The following DLGAP2 variants were observed in gnomAD, a reference collection of about 807,000 sequenced individuals.
DLGAP2 encodes the protein DLG associated protein 2.
Under a neutral mutation model 100.3 loss-of-function variants are expected in DLGAP2, and 26 were observed. The ratio of observed to expected loss-of-function variants is 0.26; its 90% CI spans 0.19 to 0.36. The LOEUF (loss-of-function observed/expected upper bound fraction) is 0.36, where lower values mean the gene tolerates loss of function less well. Ranked by LOEUF, DLGAP2 falls within the 10% of genes least tolerant of loss-of-function variation. The pLI, the probability that DLGAP2 is intolerant of heterozygous loss-of-function variation, is 1.00. For synonymous variants in DLGAP2, 886 were observed against 630.1 expected (o/e 1.41, Z -6.08); for missense variants, 1,858 against 1,453.2 (o/e 1.28, Z -4.53).
In DLGAP2 at chr8:945,844, G is replaced by T. The variant is rs143580646; in HGVS notation, c.73+37878G>T. Among the ~76,000 whole-genome samples the T allele has an allele frequency of 3.9e-5, 6 of 152,028 alleles. No individual in the cohort carries two copies. In the East Asian group the frequency reaches 9.7e-4, roughly 25 times the overall value. On this transcript the variant is annotated intron_variant, in intron 2 of 14. Coordinates refer to ENST00000637795, the MANE Select transcript of DLGAP2 (RefSeq NM_001346810.2). ...TCCATTTCCCCCTCTCTCTCTGCGT[G>T]TGTCTCTTTGCCTACATTAATGTTG...
intron 1 of DLGAP2, among the ~76,000 whole-genome samples, chr8:800,364 A>G (rs917019312): frequency 6.6e-6 from 1 of 152,242 alleles, no homozygotes; most frequent in South Asian, 2.1e-4. Context: ...TTGCCTGCAA[A>G]GGAGAATCAG....
At chr8:917,131 A>C (rs554143376) in intron 2 of DLGAP2, among the ~76,000 whole-genome samples, 1 of 152,226 alleles carries the variant, frequency 6.6e-6, no homozygotes, top group African/African-American at 2.4e-5. Context: ...AGGGCCGGGG[A>C]TAGTAAAGCG....
In DLGAP2 at chr8:1,600,025, A is replaced by G. The variant is rs576744241; in HGVS notation, c.1443-26715A>G. ...TGGCTGGTACCGGTTTTTGCTTTCC[A>G]TGTTTAGTGGTTCCTTCAGGAGCTC... On this transcript the variant is annotated intron_variant, in intron 6 of 14. Transcript: ENST00000637795. Among the ~76,000 whole-genome samples, 319 of 151,986 alleles carry G rather than the reference A, an allele frequency of 2.1e-3. 2 individuals carry two copies. Among genetic ancestry groups the G allele is most frequent in the African/African-American group, 6.9e-3 (286 of 41,456 alleles).
intron 2 of DLGAP2, among the ~76,000 whole-genome samples, chr8:1,211,978 G>C (rs1158271887): frequency 6.6e-6 from 1 of 152,240 alleles, no homozygotes; most frequent in African/African-American, 2.4e-5. Flanking sequence ...GGTCTGACTG[G>C]CGCTGTGGAA....
intron 7 of DLGAP2, 134 bp downstream of exon 7, chr8:1,627,021 G>A (rs2130770471): frequency 9.0e-7 from 1 of 1,108,574 alleles, no homozygotes; most frequent in Non-Finnish European, 1.3e-6. Context: ...CACCAAAGGG[G>A]GTTCCCCTGG....
chr8:997,430 A>G (rs376008440), intron 2 of DLGAP2, among the ~76,000 whole-genome samples: 1 of 152,214 alleles, frequency 6.6e-6, no homozygotes, highest in African/African-American at 2.4e-5. Context: ...CATTGAACCA[A>G]TATAGAAAAC....
chr8:747,435 C>G (rs575044610), intron 1 of DLGAP2, among the ~76,000 whole-genome samples: 5 of 151,632 alleles, frequency 3.3e-5, no homozygotes, highest in Admixed American at 1.3e-4. Context: ...GTTCCAGAAA[C>G]AAGCTCTGGC....
At chr8:1,443,025 C>T (rs1484062621) in intron 3 of DLGAP2, among the ~76,000 whole-genome samples, 2 of 152,218 alleles carry the variant, frequency 1.3e-5, no homozygotes, top group Non-Finnish European at 2.9e-5. Context: ...CTTTATCATT[C>T]TTTTAACATT....
At chr8:1,096,724 C>T in intron 2 of DLGAP2, among the ~76,000 whole-genome samples, 1 of 141,628 alleles carries the variant, frequency 7.1e-6, no homozygotes, top group East Asian at 2.2e-4. Flanking sequence ...TGAGACCCAG[C>T]TCCCTGCGCT....
intron 2 of DLGAP2, among the ~76,000 whole-genome samples, chr8:932,044 C>A (rs1317270973): frequency 6.6e-6 from 1 of 152,198 alleles, no homozygotes; most frequent in Non-Finnish European, 1.5e-5. Flanking sequence ...ATATTCCCTT[C>A]TAGGAAATAT....
intron 4 of DLGAP2, among the ~76,000 whole-genome samples, chr8:1,504,446 A>G (rs1458625346): frequency 1.3e-5 from 2 of 152,244 alleles, no homozygotes; most frequent in Middle Eastern, 3.4e-3. Context: ...GTTTTCAAGT[A>G]AACAAACCAT....
chr8:1,203,661 G>A (rs1007417035), intron 2 of DLGAP2, among the ~76,000 whole-genome samples: 40 of 152,262 alleles, frequency 2.6e-4, no homozygotes, highest in African/African-American at 8.7e-4. Flanking sequence ...AATGGATGAC[G>A]GTGCGAAGAA....
chr8:1,245,430 C>G (rs55855709), intron 2 of DLGAP2, among the ~76,000 whole-genome samples: 1 of 152,084 alleles, frequency 6.6e-6, no homozygotes, highest in Non-Finnish European at 1.5e-5. Flanking sequence ...AATGGAGCAC[C>G]GATGCATGCT....
intron 6 of DLGAP2, among the ~76,000 whole-genome samples, chr8:1,596,908 C>T (rs1276018355): frequency 1.3e-5 from 2 of 152,140 alleles, no homozygotes; most frequent in Non-Finnish European, 2.9e-5. Flanking sequence ...GTTGCCATTG[C>T]TCTTGGTGTT....
chr8:1,280,055 C>T (rs1233774917), intron 3 of DLGAP2, among the ~76,000 whole-genome samples: 7 of 152,204 alleles, frequency 4.6e-5, no homozygotes, highest in Non-Finnish European at 8.8e-5. Context: ...GACATGCACT[C>T]ACGTAAGGTC....
chr8:960,416 G>C (rs56270596), intron 2 of DLGAP2, among the ~76,000 whole-genome samples: 1 of 151,342 alleles, frequency 6.6e-6, no homozygotes, highest in African/African-American at 2.4e-5. Flanking sequence ...ATTTTTAGTA[G>C]AGACGGAGTT....
intron 10 of DLGAP2, among the ~76,000 whole-genome samples, chr8:1,670,147 C>T (rs1798654478): frequency 1.3e-5 from 2 of 152,250 alleles, no homozygotes; most frequent in African/African-American, 4.8e-5. Flanking sequence ...TCTCCTCAGC[C>T]ACCTCCCACA....
rs1563133680 is a variant in DLGAP2, at chr8:1,417,156, G to GGCGGGGGAGACCCCCGTTCATTTAGCGTC, written c.107-84210_107-84209insGCGGGGGAGACCCCCGTTCATTTAGCGTC. On this transcript the variant is annotated intron_variant, in intron 3 of 14. Coordinates refer to ENST00000637795, the MANE Select transcript of DLGAP2 (RefSeq NM_001346810.2). Reference sequence around the variant, plus strand: ...GCGTCTGAGGCGGGGGAGACTCTGAGTGAAGGGGAAGCCCCCGTTCATTTA... The same window carrying GGCGGGGGAGACCCCCGTTCATTTAGCGTC: ...GCGTCTGAGGCGGGGGAGACTCTGAGGCGGGGGAGACCCCCGTTCATTTAGCGTCTGAAGGGGAAGCCCCCGTTCATTTA... Among the ~76,000 whole-genome samples the GGCGGGGGAGACCCCCGTTCATTTAGCGTC allele has an allele frequency of 3.9e-4, 33 of 85,708 alleles. 2 individuals carry two copies. The highest frequency in any genetic ancestry group is 1.7e-3 in the East Asian group (4 of 2,400). The allele number at this position is 85,708 out of a possible 152,430, so 56.2% of individuals were successfully genotyped here.
chr8:1,634,469 C>A (rs1356867171), intron 8 of DLGAP2, among the ~76,000 whole-genome samples: 1 of 152,174 alleles, frequency 6.6e-6, no homozygotes, highest in Non-Finnish European at 1.5e-5. Context: ...TGTGGGCACC[C>A]TGCGTAGCCT....
Sources: allele counts gnomAD v4.1 joint callset (sites outside exome capture counted in the v4.1 genomes callset), GRCh38; gene constraint gnomAD v4.1.1; transcripts MANE v1.5; gene names NCBI Gene and HGNC (gene_info 2026-07-23, HGNC 2026-07-21).